Variants in BDP1 observed in about 807,000 individuals in gnomAD.
The protein encoded by BDP1 is transcription factor TFIIIB component B'' homolog.
A neutral mutation model predicts 266.6 loss-of-function variants in BDP1; 169 were observed. The ratio of observed to expected loss-of-function variants is 0.63; its 90% CI spans 0.56 to 0.72. The LOEUF is 0.72. Ranked by LOEUF, BDP1 falls within the 30% of genes least tolerant of loss-of-function variation. The probability of loss-of-function intolerance (pLI) is 0.00; values close to 1 mark genes in which losing one functional copy is unlikely to be tolerated. For missense variants in BDP1, 3,015 were observed against 3,053.8 expected (o/e 0.99, Z 0.30); for synonymous variants, 1,090 against 1,022.4 (o/e 1.07, Z -1.26).
chr5:71,545,637 A>G (rs924515124), intron 32 of BDP1, among the ~76,000 whole-genome samples: 1 of 151,992 alleles, frequency 6.6e-6, no homozygotes, highest in African/African-American at 2.4e-5. Flanking sequence ...GGCTAACTTC[A>G]CCCTTTTTAG....
chr5:71,469,616 C>T (rs1162015667), intron 6 of BDP1, among the ~76,000 whole-genome samples: 1 of 151,366 alleles, frequency 6.6e-6, no homozygotes, highest in African/African-American at 2.4e-5. Flanking sequence ...TGTATGATTT[C>T]TTTTTCTTTT....
In BDP1 at chr5:71,468,924, A is replaced by C. The variant is rs74594459; in HGVS notation, c.919+1437A>C. On this transcript the variant is annotated intron_variant, in intron 6 of 38. Coordinates refer to ENST00000358731, the MANE Select transcript of BDP1 (RefSeq NM_018429.3). ...GCCCAGCCAACAATACAATATTTCT[A>C]ATGCGAATAATGTTCTACCTCAGAT... Among the ~76,000 whole-genome samples the C allele has an allele frequency of 7.8e-3, 1,180 of 152,210 alleles. 66 individuals carry two copies. In the East Asian group the frequency reaches 0.15, roughly 20 times the overall value.
chr5:71,524,041 G>C lies in BDP1; in HGVS notation c.5490G>C (p.Arg1830Ser), dbSNP rs1561748096. Residue 1830 changes from arginine (R) to serine (S), a missense_variant, in exon 25 of 39, where the codon AGG becomes AGC. Coordinates refer to ENST00000358731, the MANE Select transcript of BDP1 (RefSeq NM_018429.3). ...AGTATGAGAGAAATCGTGGTGAAAGGAGAAGTCATAAAAAGTTCAAACCAA... is the reference window on the plus strand; with the variant it reads ...AGTATGAGAGAAATCGTGGTGAAAGCAGAAGTCATAAAAAGTTCAAACCAA... Reference protein sequence around the residue: ...TSEYERNRGERRSHKKFKPNV... With the variant: ...TSEYERNRGESRSHKKFKPNV... 1 of 1,614,160 alleles carries C rather than the reference G, an allele frequency of 6.2e-7. No homozygotes were observed. The highest frequency in any genetic ancestry group is 8.5e-7 in the Non-Finnish European group (1 of 1,180,030).
intron 7 of BDP1, among the ~76,000 whole-genome samples, chr5:71,473,908 T>G (rs1762428900): frequency 1.3e-5 from 2 of 151,510 alleles, no homozygotes; most frequent in South Asian, 4.2e-4. Context: ...CAATTCCCTT[T>G]TCTAGCTTCT....
chr5:71,510,342 A>C lies in BDP1; in HGVS notation c.3250A>C (p.Ile1084Leu), dbSNP rs1398105863. The C allele has an allele frequency of 1.2e-6, 2 of 1,613,814 alleles. No homozygotes were observed. Among genetic ancestry groups the C allele is most frequent in the Admixed American group, 3.3e-5 (2 of 59,976 alleles). The part of the protein sequence containing the change: ...RGKTPEVIDA[I>L]EEIEIDLEET... ...GAAGACACCAGAGGTGATTGATGCC[A>C]TTGAGGAAATAGAGATAGATTTGGA... Residue 1084 changes from isoleucine (I) to leucine (L), a missense_variant, in exon 17 of 39, where the codon ATT becomes CTT. Coordinates refer to ENST00000358731, the MANE Select transcript of BDP1 (RefSeq NM_018429.3).
At position 71,522,435 on chromosome 5, in the gene BDP1, A is replaced by G; in HGVS notation, c.5138A>G (p.Lys1713Arg). ...KVTTDQSKEGKPEDHLLQKGA... is the reference protein window; with the variant it reads ...KVTTDQSKEGRPEDHLLQKGA... ...ACAACAGATCAGAGCAAGGAAGGCA[A>G]GCCAGAAGATCATTTGCTGCAGAAA... is the stretch of plus-strand genomic sequence containing the variant. The change falls in exon 23 of 39, where the codon AAG becomes AGG. Residue 1713 changes from lysine (K) to arginine (R), a missense_variant. Around this residue, in one of 3 missense-constraint regions of BDP1, gnomAD observed 2,383 missense variants for 2,404.9 expected, o/e 0.99. Transcript: ENST00000358731. 6.2e-7 allele frequency: 1 copy of G among 1,613,926 alleles called. No homozygotes were observed. The highest frequency in any genetic ancestry group is 8.5e-7 in the Non-Finnish European group (1 of 1,179,968).
At chr5:71,560,314 C>T in intron 37 of BDP1, 77 bp downstream of exon 37, 1 of 1,433,104 alleles carries the variant, frequency 7.0e-7, no homozygotes, top group Non-Finnish European at 9.4e-7. Context: ...AGATTAGATC[C>T]AGTACTAAGG....
chr5:71,524,352 T>G, intron 25 of BDP1, 29 bp downstream of exon 25: 1 of 1,542,416 alleles, frequency 6.5e-7, no homozygotes, highest in Non-Finnish European at 8.7e-7. Flanking sequence ...ACCTTGGTAC[T>G]TTATCTTACT....
At chr5:71,479,951 T>C (rs1020034208) in intron 7 of BDP1, among the ~76,000 whole-genome samples, 2 of 151,908 alleles carry the variant, frequency 1.3e-5, no homozygotes, top group Non-Finnish European at 2.9e-5. Context: ...GTTTTTTTGT[T>C]TGTTTTTGTT....
chr5:71,455,732 G>T lies in BDP1; in HGVS notation c.-146G>T. The T allele has an allele frequency of 3.0e-6, 2 of 673,514 alleles. No individual in the cohort carries two copies. Among genetic ancestry groups the T allele is most frequent in the South Asian group, 1.9e-5 (1 of 52,602 alleles). 41.7% of individuals were successfully genotyped at this position (673,514 alleles called of 1,614,324 possible). ...GGAGAGAGGAGGAGGCGGCGGCGGG[G>T]CAGTGAAACTACGGTAGCTGCCCCC... On this transcript the variant is annotated 5_prime_UTR_variant, in exon 1 of 39. Transcript: ENST00000358731.
chr5:71,506,781 T>TATATA (rs201899514), intron 16 of BDP1, among the ~76,000 whole-genome samples: 2 of 106,706 alleles, frequency 1.9e-5, no homozygotes, highest in African/African-American at 3.4e-5. Flanking sequence ...TATATATATA[T>TATATA]TTGAAACACA....
chr5:71,497,445 C>A lies in BDP1; in HGVS notation c.1956+19C>A. ...TGAAAAGGTATGGGGTAAGAGATTT[C>A]ATGGAAATTAAAATTATAAAAATTT... On this transcript the variant is annotated intron_variant, in intron 13 of 38. Transcript: ENST00000358731. The A allele has an allele frequency of 1.3e-6, 2 of 1,557,362 alleles. No individual in the cohort carries two copies. Among genetic ancestry groups the A allele is most frequent in the Non-Finnish European group, 1.7e-6 (2 of 1,154,238 alleles).
chr5:71,457,307 G>GT (rs780891505), intron 1 of BDP1, among the ~76,000 whole-genome samples: 1,472 of 126,000 alleles, frequency 0.012, 15 homozygotes, highest in African/African-American at 0.026. Flanking sequence ...TGGGAAAGTG[G>GT]TTTTTTTTTT....
chr5:71,511,637 A>T (rs1473778463), intron 17 of BDP1, among the ~76,000 whole-genome samples: 1 of 152,104 alleles, frequency 6.6e-6, no homozygotes, highest in African/African-American at 2.4e-5. Context: ...ACAGAGTGAG[A>T]CCCTGTCTCA....
rs189651939 is a variant in BDP1, at chr5:71,470,602, T to C, written c.1014+113T>C. On this transcript the variant is annotated intron_variant, in intron 7 of 38. Transcript: ENST00000358731. ...TCTTAGTTCATCTTTTTTTTTTTTT[T>C]CATTGAGACAGAGTTTCACTTTGTT... 8.1e-4 allele frequency: 566 copies of C among 700,422 alleles called. 4 individuals carry two copies. The African/African-American group carries it at 9.3e-3, about 12-fold the overall frequency. 43.4% of individuals were successfully genotyped at this position (700,422 alleles called of 1,614,324 possible). A position where few individuals can be genotyped will look rare whatever the true frequency, so the allele number is the denominator to read the frequency against.
In BDP1 at chr5:71,510,806, A is replaced by G. The variant is rs770859563; in HGVS notation, c.3714A>G (p.Glu1238=). Residue 1238 remains glutamate (E), a synonymous_variant, in exon 17 of 39, where the codon GAA becomes GAG. Transcript: ENST00000358731. ...KEIREEISQR[E]KVLAEFSAIR... ...TTAGAGAAGAAATTTCCCAAAGGGA[A>G]AAGGTGCTAGCAGAGTTCAGTGCTA... 7.4e-6 allele frequency: 12 copies of G among 1,613,714 alleles called. No individual in the cohort carries two copies. The highest frequency in any genetic ancestry group is 1.7e-4 in the Middle Eastern group (1 of 6,060).
chr5:71,543,079 C>T (rs1412541908), intron 30 of BDP1, among the ~76,000 whole-genome samples: 1 of 152,060 alleles, frequency 6.6e-6, no homozygotes, highest in African/African-American at 2.4e-5. Context: ...TTTGATGAAA[C>T]CAGACTGGGC....
chr5:71,498,981 C>T (rs1369050409), intron 13 of BDP1, among the ~76,000 whole-genome samples: 1 of 152,082 alleles, frequency 6.6e-6, no homozygotes, highest in African/African-American at 2.4e-5. Flanking sequence ...GCGTTGGCCT[C>T]TCAGAATGCT....
At chr5:71,470,317 C>G (rs1762161329) in intron 6 of BDP1, 78 bp from the exon 7 acceptor site, 1 of 1,100,748 alleles carries the variant, frequency 9.1e-7, no homozygotes, top group Non-Finnish European at 1.3e-6. Context: ...TAAGTACTGT[C>G]AAATTCTGTA....
Sources: gnomAD v4.1 joint callset for allele counts (sites outside exome capture counted in the v4.1 genomes callset) on GRCh38, gnomAD v4.1.1 for gene constraint, gnomAD v4.1.1 regional missense constraint, MANE v1.5 for transcripts, NCBI Gene and HGNC (gene_info 2026-07-23, HGNC 2026-07-21) for gene names.